Variants in SRBD1 observed in about 807,000 individuals in gnomAD.
SRBD1 encodes the protein S1 RNA binding domain 1, also known as S1 RNA-binding domain-containing protein 1.
Under a neutral mutation model 115.3 loss-of-function variants are expected in SRBD1, and 88 were observed. That is an observed-to-expected ratio of 0.76 (90% CI 0.64 to 0.91). The LOEUF (loss-of-function observed/expected upper bound fraction) is 0.91. SRBD1 is among the 40% of genes least tolerant of loss of function. The pLI, the probability that SRBD1 is intolerant of heterozygous loss-of-function variation, is 0.00. For synonymous variants in SRBD1, 509 were observed against 407.7 expected, an observed-to-expected ratio of 1.25 and a Z score of -2.99; for missense variants, 1,385 against 1,177.4, an observed-to-expected ratio of 1.18 and a Z score of -2.58.
Position 45,492,717 on chromosome 2 carries a change from G to A in SRBD1, c.1875-4386C>T, listed in dbSNP as rs1670337065. On this transcript the variant is annotated intron_variant, in intron 14 of 20. Coordinates refer to ENST00000263736, the MANE Select transcript of SRBD1 (RefSeq NM_018079.5). ...GCCTCCCAAAGTGCTGGGATTACAG[G>A]CGCAAGCCACTGCGCCCAGCCAAAA... 9.9e-5 allele frequency among the ~76,000 whole-genome samples: 15 copies of A among 152,258 alleles called. 1 individual carries two copies. In the South Asian group the frequency reaches 3.1e-3, roughly 32 times the overall value.
chr2:45,389,392 G>C lies in SRBD1; in HGVS notation c.2906C>G (p.Pro969Arg), dbSNP rs1666935187. Residue 969 changes from proline to arginine, a missense_variant, in exon 21 of 21, where the codon CCC (proline) becomes CGC (arginine). By Grantham distance (103) the Pro-to-Arg change is moderately radical (BLOSUM62 -2). Transcript: ENST00000263736. ...TACTTGGACTTCCACTCTTTCTCCG[G>C]GGCCCAGTCCAAGGCTTCTTCTCTT... ...TKKRRSLGLGPGERVEVQVLN... is the reference protein window; with the variant it reads ...TKKRRSLGLGRGERVEVQVLN... 6.2e-7 allele frequency: 1 copy of C among 1,613,860 alleles called. No individual in the cohort carries two copies. Among genetic ancestry groups the C allele is most frequent in the African/African-American group, 1.3e-5 (1 of 74,872 alleles).
chr2:45,474,076 G>C (rs957373515), intron 16 of SRBD1, among the ~76,000 whole-genome samples: 2 of 152,052 alleles, frequency 1.3e-5, no homozygotes, highest in Non-Finnish European at 2.9e-5. Context: ...TTTTAATCCT[G>C]ATAATTACAT....
chr2:45,471,980 G>A (rs1031924848), intron 16 of SRBD1, among the ~76,000 whole-genome samples: 1 of 151,990 alleles, frequency 6.6e-6, no homozygotes. Context: ...CCATTCTGAG[G>A]TATACATCCA....
chr2:45,440,480 C>G (rs1395401785), intron 16 of SRBD1, among the ~76,000 whole-genome samples: 4 of 152,146 alleles, frequency 2.6e-5, no homozygotes, highest in African/African-American at 9.7e-5. Context: ...ACAAAGAAAA[C>G]ATTAGTATAT....
chr2:45,557,332 T>G (rs941308730), intron 10 of SRBD1, among the ~76,000 whole-genome samples: 9 of 152,200 alleles, frequency 5.9e-5, no homozygotes, highest in African/African-American at 2.2e-4. Flanking sequence ...GGGATTTGTT[T>G]TAATGTATGT....
chr2:45,444,623 G>A (rs1263141485), intron 16 of SRBD1, among the ~76,000 whole-genome samples: 1 of 152,104 alleles, frequency 6.6e-6, no homozygotes, highest in South Asian at 2.1e-4. Flanking sequence ...CACTATACTG[G>A]TTCAAAGTTC....
At chr2:45,571,526 A>AAAAAAAAAAAAAAAAAAAAAAAAAC (rs1673013783) in intron 9 of SRBD1, among the ~76,000 whole-genome samples, 1 of 148,544 alleles carries the variant, frequency 6.7e-6, no homozygotes, top group Non-Finnish European at 1.5e-5. Context: ...CCAAAAAAAA[A>AAAAAAAAAAAAAAAAAAAAAAAAAC]AAAAAAAAAA....
rs1666915644 is a variant in SRBD1, at chr2:45,388,792, T to C, written c.*518A>G. 1 of 153,768 alleles carries C rather than the reference T, an allele frequency of 6.5e-6. No individual in the cohort carries two copies. The highest frequency in any genetic ancestry group is 1.4e-5 in the Non-Finnish European group (1 of 69,132). 9.5% of individuals were successfully genotyped at this position (153,768 alleles called of 1,614,324 possible). On this transcript the variant is annotated 3_prime_UTR_variant, in exon 21 of 21. Coordinates refer to ENST00000263736, the MANE Select transcript of SRBD1 (RefSeq NM_018079.5). ...CGTCAGAATCTGTTTTACTGGTATA[T>C]TTTTGGCTTGCATGACAAGGGAAAA...
At chr2:45,403,310 C>T (rs1163177975) in intron 19 of SRBD1, among the ~76,000 whole-genome samples, 2 of 147,504 alleles carry the variant, frequency 1.4e-5, no homozygotes, top group African/African-American at 5.0e-5. Context: ...ACTGCATTGA[C>T]CACAGCCAGT....
intron 14 of SRBD1, among the ~76,000 whole-genome samples, chr2:45,519,267 A>G (rs7577547): frequency 0.81 from 123,629 of 152,086 alleles, 50,990 homozygotes; most frequent in African/African-American, 0.93. Flanking sequence ...AACCCTCATC[A>G]TACTCCTGTA....
At chr2:45,488,962 G>T (rs1008275502) in intron 14 of SRBD1, among the ~76,000 whole-genome samples, 1 of 152,044 alleles carries the variant, frequency 6.6e-6, no homozygotes, top group African/African-American at 2.4e-5. Context: ...ACTCAGGCAG[G>T]TGTTAATTCC....
chr2:45,491,830 T>G (rs1435922363), intron 14 of SRBD1, among the ~76,000 whole-genome samples: 1 of 152,196 alleles, frequency 6.6e-6, no homozygotes, highest in African/African-American at 2.4e-5. Flanking sequence ...TTTAATTAAT[T>G]TATTTTTTTG....
At chr2:45,508,977 A>T (rs1311220323) in intron 14 of SRBD1, among the ~76,000 whole-genome samples, 1 of 152,130 alleles carries the variant, frequency 6.6e-6, no homozygotes, top group Non-Finnish European at 1.5e-5. Flanking sequence ...GGGCACGGTG[A>T]GTTGGGAGGT....
intron 9 of SRBD1, among the ~76,000 whole-genome samples, chr2:45,570,802 G>C (rs1672982866): frequency 6.6e-6 from 1 of 152,118 alleles, no homozygotes; most frequent in South Asian, 2.1e-4. Context: ...TGTGTGTTTT[G>C]ATGTCTGGTG....
At chr2:45,609,596 T>C (rs1048016581) in intron 1 of SRBD1, among the ~76,000 whole-genome samples, 18 of 152,222 alleles carry the variant, frequency 1.2e-4, no homozygotes, top group Non-Finnish European at 1.9e-4. Flanking sequence ...CCTGCTCACC[T>C]TTCTAACCAC....
chr2:45,593,821 A>G (rs1400483592), intron 4 of SRBD1, among the ~76,000 whole-genome samples: 1 of 152,176 alleles, frequency 6.6e-6, no homozygotes, highest in Non-Finnish European at 1.5e-5. Context: ...AAGTTTCCTT[A>G]CAGATTGCAA....
intron 16 of SRBD1, among the ~76,000 whole-genome samples, chr2:45,438,213 T>C (rs533323503): frequency 7.7e-4 from 117 of 152,222 alleles, no homozygotes; most frequent in Non-Finnish European, 1.4e-3. Context: ...TGATTCATTC[T>C]GATCTGATAG....
chr2:45,529,407 T>C (rs912272756), intron 14 of SRBD1, among the ~76,000 whole-genome samples: 1 of 151,928 alleles, frequency 6.6e-6, no homozygotes, highest in Non-Finnish European at 1.5e-5. Flanking sequence ...GTTACTGACA[T>C]ATTCTTAGGT....
intron 9 of SRBD1, among the ~76,000 whole-genome samples, chr2:45,563,268 TATA>T (rs1453160697): frequency 2.0e-5 from 3 of 152,116 alleles, no homozygotes; most frequent in South Asian, 4.1e-4. Context: ...CTTCACTTTA[TATA>T]ATAATTTTTC....
Sources: allele counts gnomAD v4.1 joint callset (sites outside exome capture counted in the v4.1 genomes callset), GRCh38; gene constraint gnomAD v4.1.1; transcripts MANE v1.5; gene names NCBI Gene and HGNC (gene_info 2026-07-23, HGNC 2026-07-21).